The following CLMP variants were observed in gnomAD, a reference collection of about 807,000 sequenced individuals.
CLMP encodes the protein CXADR-like membrane protein.
Under a neutral mutation model 45.2 loss-of-function variants are expected in CLMP, and 27 were observed. The ratio of observed to expected loss-of-function variants is 0.60; its 90% CI spans 0.44 to 0.82. CLMP has a LOEUF of 0.82. Ranked by LOEUF, CLMP falls within the 40% of genes least tolerant of loss-of-function variation. The pLI, the probability that CLMP is intolerant of heterozygous loss-of-function variation, is 0.00. For missense variants in CLMP, 403 were observed against 448.4 expected (o/e 0.90, Z 0.91); for synonymous variants, 167 against 171.4 (o/e 0.97, Z 0.20).
chr11:123,107,042 A>ATAATAG (rs1488583615), intron 1 of CLMP, among the ~76,000 whole-genome samples: 3 of 150,700 alleles, frequency 2.0e-5, no homozygotes, highest in Non-Finnish European at 4.4e-5. Context: ...AATAATAATA[A>ATAATAG]TAATAATTGT....
intron 1 of CLMP, among the ~76,000 whole-genome samples, chr11:123,184,586 G>A (rs1291851876): frequency 6.6e-6 from 1 of 152,158 alleles, no homozygotes; most frequent in African/African-American, 2.4e-5. Context: ...AGGAGCTCCT[G>A]AATTGGCTCA....
intron 1 of CLMP, among the ~76,000 whole-genome samples, chr11:123,163,231 C>T (rs1861510761): frequency 6.6e-6 from 1 of 152,174 alleles, no homozygotes; most frequent in Admixed American, 6.5e-5. Flanking sequence ...AGAGGGTCTT[C>T]ACTTCAGTTG....
rs147696821 is a variant in CLMP at position 123,185,320 on chromosome 11, G to C, written c.28+9593C>G. Reference sequence around the variant, plus strand: ...GATGAGCTTGACGGAGTTCACGCTGGTCTTTGTTCTCTGTCTGTCTGTCTT... The same window carrying C: ...GATGAGCTTGACGGAGTTCACGCTGCTCTTTGTTCTCTGTCTGTCTGTCTT... On this transcript the variant is annotated intron_variant, in intron 1 of 6. Coordinates refer to ENST00000448775, the MANE Select transcript of CLMP (RefSeq NM_024769.5). Among the ~76,000 whole-genome samples the C allele has an allele frequency of 3.8e-3, 583 of 152,270 alleles. 3 individuals carry two copies. The highest frequency in any genetic ancestry group is 0.014 in the African/African-American group (572 of 41,558).
Position 123,149,922 on chromosome 11 carries a change from T to C in CLMP, c.28+44991A>G, listed in dbSNP as rs1269129936. On this transcript the variant is annotated intron_variant, in intron 1 of 6. Transcript: ENST00000448775. ...CGCTCCCGGGTTTAAATGATTCTCC[T>C]GGCTCCTGAGTAGCTGGGATTACAG... 2.6e-5 allele frequency among the ~76,000 whole-genome samples: 4 copies of C among 151,814 alleles called. No individual in the cohort carries two copies. The East Asian group carries it at 5.8e-4, about 22-fold the overall frequency.
chr11:123,115,437 T>A (rs1209555683), intron 1 of CLMP, among the ~76,000 whole-genome samples: 1 of 152,182 alleles, frequency 6.6e-6, no homozygotes, highest in Non-Finnish European at 1.5e-5. Context: ...TTATTTGGAA[T>A]AGATTAAATA....
At chr11:123,150,480 A>AAAGAAAGAAAGAAAGGAAGG (rs764502298) in intron 1 of CLMP, among the ~76,000 whole-genome samples, 11 of 40,876 alleles carry the variant, frequency 2.7e-4, no homozygotes, top group East Asian at 1.8e-3. Flanking sequence ...AGAAAGAAAG[A>AAAGAAAGAAAGAAAGGAAGG]AAGGAAGGAA....
At chr11:123,181,101 A>T (rs1257391904) in intron 1 of CLMP, among the ~76,000 whole-genome samples, 1 of 152,162 alleles carries the variant, frequency 6.6e-6, no homozygotes, top group Admixed American at 6.5e-5. Context: ...ACAAATGAAT[A>T]CCACACAGCG....
At chr11:123,190,016 A>AAAAAAAAC (rs1861887263) in intron 1 of CLMP, among the ~76,000 whole-genome samples, 1 of 150,210 alleles carries the variant, frequency 6.7e-6, no homozygotes. Flanking sequence ...AAAAAAAAAA[A>AAAAAAAAC]AAAAAAACAA....
Position 123,194,987 on chromosome 11 carries a change from T to G in CLMP, c.-47A>C, listed in dbSNP as rs1231745331. 1 of 1,591,840 alleles carries G rather than the reference T, an allele frequency of 6.3e-7. No homozygotes were observed. Among genetic ancestry groups the G allele is most frequent in the Non-Finnish European group, 8.5e-7 (1 of 1,169,718 alleles). On this transcript the variant is annotated 5_prime_UTR_variant, in exon 1 of 7. Coordinates refer to ENST00000448775, the MANE Select transcript of CLMP (RefSeq NM_024769.5). ...CTTCCCCGCTCAGCTGCTGCTTGGC[T>G]CCGGGGCGGCCGGGCGCCTCCGACG...
intron 1 of CLMP, among the ~76,000 whole-genome samples, chr11:123,194,071 G>C (rs1335288758): frequency 3.9e-5 from 6 of 151,956 alleles, no homozygotes; most frequent in African/African-American, 1.5e-4. Context: ...AGTCACTCCG[G>C]TGGGCTCCTA....
At chr11:123,185,257 G>A (rs897692271) in intron 1 of CLMP, among the ~76,000 whole-genome samples, 2 of 152,170 alleles carry the variant, frequency 1.3e-5, no homozygotes, top group African/African-American at 4.8e-5. Context: ...GGGAGAGTTG[G>A]GGAGGGAGGG....
chr11:123,118,723 A>G (rs572964122), intron 1 of CLMP, among the ~76,000 whole-genome samples: 1 of 152,270 alleles, frequency 6.6e-6, no homozygotes, highest in Non-Finnish European at 1.5e-5. Context: ...GTCGCGTCTC[A>G]GCAAGGGAGG....
chr11:123,154,724 TG>T (rs1487977782), intron 1 of CLMP, among the ~76,000 whole-genome samples: 2 of 152,194 alleles, frequency 1.3e-5, no homozygotes, highest in Non-Finnish European at 2.9e-5. Flanking sequence ...CTCATTTTTC[TG>T]GGTCCCTAAA....
intron 1 of CLMP, among the ~76,000 whole-genome samples, chr11:123,129,208 T>C: frequency 6.6e-6 from 1 of 151,736 alleles, no homozygotes; most frequent in East Asian, 1.9e-4. Flanking sequence ...TGGGTGCCTG[T>C]AATCCCAGCT....
chr11:123,189,939 T>C (rs1266417175), intron 1 of CLMP, among the ~76,000 whole-genome samples: 2 of 148,856 alleles, frequency 1.3e-5, no homozygotes, highest in Non-Finnish European at 2.9e-5. Flanking sequence ...AAGGCAGGGG[T>C]TGCAGTGAGT....
intron 1 of CLMP, 72 bp downstream of exon 1, chr11:123,194,841 G>A: frequency 6.3e-7 from 1 of 1,579,040 alleles, no homozygotes; most frequent in Non-Finnish European, 8.7e-7. Context: ...GGTCAGAACC[G>A]GCGTCTTTCC....
At chr11:123,096,128 C>T (rs75581711) in intron 2 of CLMP, among the ~76,000 whole-genome samples, 42,144 of 151,668 alleles carry the variant, frequency 0.28, 6,632 homozygotes, top group African/African-American at 0.44. Context: ...TTTGGGAGGC[C>T]GAGGCAGGCC....
intron 1 of CLMP, among the ~76,000 whole-genome samples, chr11:123,123,571 C>A (rs1407653751): frequency 6.6e-6 from 1 of 152,008 alleles, no homozygotes; most frequent in Admixed American, 6.6e-5. Flanking sequence ...GGTTTTTGTA[C>A]ATGAGAAATT....
chr11:123,154,571 G>A lies in CLMP; in HGVS notation c.28+40342C>T, dbSNP rs1318617547. On this transcript the variant is annotated intron_variant, in intron 1 of 6. Coordinates refer to ENST00000448775, the MANE Select transcript of CLMP (RefSeq NM_024769.5). Reference sequence around the variant, plus strand: ...TTATGTCAGATATCATGACATAAGAGATATCATGACACGGCATGTCATGTC... The same window carrying A: ...TTATGTCAGATATCATGACATAAGAAATATCATGACACGGCATGTCATGTC... Among the ~76,000 whole-genome samples the A allele has an allele frequency of 2.0e-5, 3 of 152,154 alleles. No individual in the cohort carries two copies. In the East Asian group the frequency reaches 5.8e-4, roughly 29 times the overall value.
Sources: allele counts gnomAD v4.1 joint callset (sites outside exome capture counted in the v4.1 genomes callset), GRCh38; gene constraint gnomAD v4.1.1; transcripts MANE v1.5; gene names NCBI Gene and HGNC (gene_info 2026-07-23, HGNC 2026-07-21).